The following RAP1GDS1 variants were observed in gnomAD, a reference collection of about 807,000 sequenced individuals.
The protein encoded by RAP1GDS1 is RAP1, GTP-GDP dissociation stimulator 1.
RAP1GDS1 carries 35 observed loss-of-function variants against 71.1 expected under a neutral mutation model. The ratio of observed to expected loss-of-function variants is 0.49; its 90% CI spans 0.38 to 0.65. RAP1GDS1 has a LOEUF of 0.65. Among genes scored for constraint, RAP1GDS1 ranks in the 30% least tolerant of loss-of-function variants. The probability of loss-of-function intolerance (pLI) is 0.00; values close to 1 mark genes in which losing one functional copy is unlikely to be tolerated. For missense variants in RAP1GDS1, 663 were observed against 706.1 expected, an observed-to-expected ratio of 0.94 and a Z score of 0.69; for synonymous variants, 229 against 243.1, an observed-to-expected ratio of 0.94 and a Z score of 0.54.
chr4:98,344,567 T>A (rs1263894479), intron 3 of RAP1GDS1, among the ~76,000 whole-genome samples: 1 of 152,198 alleles, frequency 6.6e-6, no homozygotes. Flanking sequence ...CTCATAATGC[T>A]CTGTCACAAT....
At chr4:98,284,709 G>A (rs769794294) in intron 1 of RAP1GDS1, among the ~76,000 whole-genome samples, 6 of 152,162 alleles carry the variant, frequency 3.9e-5, no homozygotes, top group Non-Finnish European at 8.8e-5. Context: ...GTCATAAAAG[G>A]CAATGCTGCT....
In RAP1GDS1 at chr4:98,363,265, G is replaced by A. The variant is rs1324365688; in HGVS notation, c.361+10664G>A. ...AATTTTGGGATGGCAAGGCTCAAGG[G>A]CTGCTTGAGGCCAGGAGTTTGAGAC... On this transcript the variant is annotated intron_variant, in intron 4 of 14. Coordinates refer to ENST00000408927, the MANE Select transcript of RAP1GDS1 (RefSeq NM_001100427.2). Among the ~76,000 whole-genome samples, 8 of 151,862 alleles carry A rather than the reference G, an allele frequency of 5.3e-5. No individual in the cohort carries two copies. In the East Asian group the frequency reaches 1.6e-3, roughly 29 times the overall value.
chr4:98,420,205 T>C (rs1748619314), intron 11 of RAP1GDS1, 61 bp downstream of exon 11: 3 of 1,333,496 alleles, frequency 2.2e-6, no homozygotes, highest in East Asian at 2.7e-5. Flanking sequence ...GTGCCTCTAG[T>C]TGAAAAAGGA....
intron 1 of RAP1GDS1, among the ~76,000 whole-genome samples, chr4:98,280,551 C>T (rs1013549748): frequency 6.6e-6 from 1 of 152,228 alleles, no homozygotes; most frequent in Non-Finnish European, 1.5e-5. Context: ...TTCTCCCATT[C>T]TGTAGGTTGC....
intron 2 of RAP1GDS1, among the ~76,000 whole-genome samples, chr4:98,326,920 C>G (rs1733194480): frequency 6.6e-6 from 1 of 151,674 alleles, no homozygotes; most frequent in East Asian, 2.0e-4. Context: ...CGTTTTTCTA[C>G]TCTGATACAA....
intron 4 of RAP1GDS1, among the ~76,000 whole-genome samples, chr4:98,359,438 A>G (rs974300606): frequency 5.3e-5 from 8 of 152,122 alleles, no homozygotes; most frequent in Non-Finnish European, 1.0e-4. Flanking sequence ...GGCACTCAAA[A>G]GTGTATTTCT....
chr4:98,273,710 C>A (rs1290539033), intron 1 of RAP1GDS1, among the ~76,000 whole-genome samples: 1 of 152,066 alleles, frequency 6.6e-6, no homozygotes, highest in African/African-American at 2.4e-5. Flanking sequence ...TGAGCATATT[C>A]ATTGTATGGA....
chr4:98,368,650 G>A (rs1739892448), intron 4 of RAP1GDS1, among the ~76,000 whole-genome samples: 1 of 151,920 alleles, frequency 6.6e-6, no homozygotes, highest in Non-Finnish European at 1.5e-5. Context: ...ATTTCCTTTA[G>A]CCTTGAACTT....
chr4:98,356,441 G>A (rs1301847524), intron 4 of RAP1GDS1, among the ~76,000 whole-genome samples: 1 of 151,974 alleles, frequency 6.6e-6, no homozygotes, highest in Admixed American at 6.6e-5. Flanking sequence ...AATTCCTGGG[G>A]ATAAATTGGT....
intron 5 of RAP1GDS1, among the ~76,000 whole-genome samples, chr4:98,388,875 A>G (rs1224845622): frequency 6.7e-6 from 1 of 149,538 alleles, no homozygotes; most frequent in Non-Finnish European, 1.5e-5. Flanking sequence ...TGAATTAGAA[A>G]TTTAAATGAA....
At chr4:98,282,528 C>CT (rs1377146535) in intron 1 of RAP1GDS1, among the ~76,000 whole-genome samples, 2 of 149,430 alleles carry the variant, frequency 1.3e-5, no homozygotes, top group Non-Finnish European at 3.0e-5. Flanking sequence ...TGCTAGCGGT[C>CT]TATCAATTTT....
At chr4:98,311,316 T>G (rs929876212) in intron 2 of RAP1GDS1, among the ~76,000 whole-genome samples, 6 of 152,190 alleles carry the variant, frequency 3.9e-5, no homozygotes, top group South Asian at 4.1e-4. Flanking sequence ...AGAAAAAATG[T>G]GGAATTTTGT....
chr4:98,338,563 A>G (rs752364150), intron 2 of RAP1GDS1, among the ~76,000 whole-genome samples: 35 of 152,252 alleles, frequency 2.3e-4, no homozygotes, highest in Middle Eastern at 6.8e-3. Context: ...GTGGTCCTTA[A>G]TCCCAAGTCT....
intron 4 of RAP1GDS1, among the ~76,000 whole-genome samples, chr4:98,359,869 G>A (rs1039378780): frequency 2.0e-5 from 3 of 152,096 alleles, no homozygotes; most frequent in Non-Finnish European, 4.4e-5. Flanking sequence ...TAGTGACTGC[G>A]GCAGAGAGAA....
Position 98,442,279 on chromosome 4 carries a change from A to C in RAP1GDS1, c.*162A>C. On this transcript the variant is annotated 3_prime_UTR_variant, in exon 15 of 15. Coordinates refer to ENST00000408927, the MANE Select transcript of RAP1GDS1 (RefSeq NM_001100427.2). The stretch of plus-strand genomic sequence containing the variant: ...AGGTACCTCCCTAATAAGATTTCTA[A>C]ACCTATAGTTAGTGTGATCATGACT... The C allele has an allele frequency of 1.0e-6, 1 of 970,056 alleles. No individual in the cohort carries two copies. Among genetic ancestry groups the C allele is most frequent in the Non-Finnish European group, 1.4e-6 (1 of 693,374 alleles). 60.1% of individuals were successfully genotyped at this position (970,056 alleles called of 1,614,324 possible).
chr4:98,262,793 C>T (rs967886512), intron 1 of RAP1GDS1, among the ~76,000 whole-genome samples: 1 of 152,154 alleles, frequency 6.6e-6, no homozygotes, highest in Non-Finnish European at 1.5e-5. Context: ...AGTATCTAAA[C>T]CTGGGAATGG....
At chr4:98,400,124 T>C (rs1304580764) in intron 6 of RAP1GDS1, among the ~76,000 whole-genome samples, 1 of 151,918 alleles carries the variant, frequency 6.6e-6, no homozygotes, top group Non-Finnish European at 1.5e-5. Flanking sequence ...ACCACTGCAC[T>C]CCAGCTTGGG....
intron 7 of RAP1GDS1, among the ~76,000 whole-genome samples, chr4:98,407,465 G>A (rs1208491517): frequency 2.0e-5 from 3 of 149,842 alleles, no homozygotes; most frequent in East Asian, 1.9e-4. Context: ...AATGGGGTGT[G>A]TATACACACA....
At chr4:98,317,824 A>ATT (rs1432650248) in intron 2 of RAP1GDS1, among the ~76,000 whole-genome samples, 28 of 147,602 alleles carry the variant, frequency 1.9e-4, no homozygotes, top group African/African-American at 6.5e-4. Context: ...ATATATATAT[A>ATT]TATTTTTTTT....
Sources: allele counts gnomAD v4.1 joint callset (sites outside exome capture counted in the v4.1 genomes callset), GRCh38; gene constraint gnomAD v4.1.1; transcripts MANE v1.5; gene names NCBI Gene and HGNC (gene_info 2026-07-23, HGNC 2026-07-21).